Variants in DYM observed in about 807,000 individuals in gnomAD.
DYM encodes the protein dymeclin.
Under a neutral mutation model 93.1 loss-of-function variants are expected in DYM, and 78 were observed. The ratio of observed to expected loss-of-function variants is 0.84; its 90% CI spans 0.70 to 1.01. The LOEUF (loss-of-function observed/expected upper bound fraction) is 1.01. Among genes scored for constraint, DYM ranks in the 50% least tolerant of loss-of-function variants. The pLI, the probability that DYM is intolerant of heterozygous loss-of-function variation, is 0.00. For synonymous variants in DYM, 321 were observed against 319.7 expected, an observed-to-expected ratio of 1.00 and a Z score of -0.04; for missense variants, 789 against 845.0, an observed-to-expected ratio of 0.93 and a Z score of 0.82.
chr18:49,045,154 A>T (rs190207102), intron 17 of DYM, among the ~76,000 whole-genome samples: 11 of 152,046 alleles, frequency 7.2e-5, no homozygotes, highest in African/African-American at 2.7e-4. Context: ...TTGGGTGGGG[A>T]GAGAGGGGAC....
At chr18:49,208,266 TCTC>T (rs2092620892) in intron 14 of DYM, among the ~76,000 whole-genome samples, 1 of 151,896 alleles carries the variant, frequency 6.6e-6, no homozygotes, top group Non-Finnish European at 1.5e-5. Context: ...CAGCAGCAGT[TCTC>T]CTCATTCCTT....
At chr18:49,219,150 AT>A (rs2093225356) in intron 13 of DYM, among the ~76,000 whole-genome samples, 1 of 152,212 alleles carries the variant, frequency 6.6e-6, no homozygotes, top group Non-Finnish European at 1.5e-5. Flanking sequence ...AAACTAGAAA[AT>A]CTAGAAGAAA....
intron 14 of DYM, among the ~76,000 whole-genome samples, chr18:49,168,793 C>T (rs2088257058): frequency 6.6e-6 from 1 of 152,106 alleles, no homozygotes; most frequent in Non-Finnish European, 1.5e-5. Context: ...TAGGTGCATT[C>T]CACAGAGGAA....
rs1365002517 is a variant in DYM at position 49,041,052 on chromosome 18, T to C, written c.*3003A>G. On this transcript the variant is annotated 3_prime_UTR_variant, in exon 18 of 18. Transcript: ENST00000675505. ...AACTGTGTGTGCAGTGTACTTTCTA[T>C]GCTTCACCTTCAGGGACCTTCTCTT... Among the ~76,000 whole-genome samples, 2 of 152,338 alleles carry C rather than the reference T, an allele frequency of 1.3e-5. No individual in the cohort carries two copies. The highest frequency in any genetic ancestry group is 2.1e-4 in the South Asian group (1 of 4,826).
At chr18:49,446,470 A>G (rs1335728073) in intron 1 of DYM, among the ~76,000 whole-genome samples, 4 of 152,228 alleles carry the variant, frequency 2.6e-5, no homozygotes, top group African/African-American at 9.6e-5. Flanking sequence ...TTCATAATCA[A>G]TGATTCATAT....
At chr18:49,140,315 T>C (rs2084342143) in intron 15 of DYM, among the ~76,000 whole-genome samples, 1 of 152,178 alleles carries the variant, frequency 6.6e-6, no homozygotes, top group Non-Finnish European at 1.5e-5. Context: ...ATGACAAACA[T>C]TTGTAAAGCA....
chr18:49,223,654 A>G (rs1214310790), intron 13 of DYM, among the ~76,000 whole-genome samples: 1 of 152,134 alleles, frequency 6.6e-6, no homozygotes, highest in African/African-American at 2.4e-5. Context: ...ACAAAGTACT[A>G]CAGATGAAAC....
chr18:49,266,792 T>G (rs1425012553), intron 11 of DYM, among the ~76,000 whole-genome samples: 1 of 152,230 alleles, frequency 6.6e-6, no homozygotes, highest in Non-Finnish European at 1.5e-5. Context: ...TATTTTCAAA[T>G]TCTTAAAAAT....
At chr18:49,135,452 G>T (rs911286269) in intron 15 of DYM, among the ~76,000 whole-genome samples, 2 of 152,154 alleles carry the variant, frequency 1.3e-5, no homozygotes, top group African/African-American at 2.4e-5. Flanking sequence ...TCTGAACCTT[G>T]ATTTCATTAT....
intron 14 of DYM, among the ~76,000 whole-genome samples, chr18:49,184,193 T>C (rs534091273): frequency 3.3e-5 from 5 of 152,120 alleles, no homozygotes; most frequent in Admixed American, 1.3e-4. Flanking sequence ...GGGTCTCCAG[T>C]AGTAAAAACT....
chr18:49,300,344 A>C (rs1375868552), intron 8 of DYM, among the ~76,000 whole-genome samples: 1 of 152,096 alleles, frequency 6.6e-6, no homozygotes, highest in African/African-American at 2.4e-5. Context: ...TCACTCCTGT[A>C]ATCCTAGCAC....
At chr18:49,178,755 A>G (rs1043750845) in intron 14 of DYM, among the ~76,000 whole-genome samples, 1 of 152,154 alleles carries the variant, frequency 6.6e-6, no homozygotes, top group African/African-American at 2.4e-5. Context: ...GTCCTTTATT[A>G]TAACTACCGA....
intron 3 of DYM, among the ~76,000 whole-genome samples, chr18:49,381,991 A>G (rs1253026111): frequency 6.6e-6 from 1 of 152,182 alleles, no homozygotes; most frequent in Non-Finnish European, 1.5e-5. Context: ...TGTAAATCCA[A>G]ACAAAATGCT....
At chr18:49,356,944 T>C (rs2065622489) in intron 6 of DYM, among the ~76,000 whole-genome samples, 1 of 152,210 alleles carries the variant, frequency 6.6e-6, no homozygotes, top group South Asian at 2.1e-4. Flanking sequence ...TTCTTTTTTA[T>C]ATCTCAATAA....
At chr18:49,149,585 A>T (rs530102616) in intron 15 of DYM, among the ~76,000 whole-genome samples, 71 of 152,196 alleles carry the variant, frequency 4.7e-4, no homozygotes, top group African/African-American at 1.7e-3. Context: ...CAGAGGCTTC[A>T]TGAGAGCAGA....
rs1568119187 is a variant in DYM, at chr18:49,258,513, T to C, written c.1252-20A>G. On this transcript the variant is annotated intron_variant, in intron 11 of 17. Transcript: ENST00000675505. ...TAGTATCTGTAATGGGGAAGAAAAG[T>C]TTAAGTAAAAAATGATTGCTTTACA... 2.1e-6 allele frequency: 3 copies of C among 1,436,544 alleles called. No homozygotes were observed. The highest frequency in any genetic ancestry group is 9.8e-7 in the Non-Finnish European group (1 of 1,019,832). The allele number at this position is 1,436,544 out of a possible 1,614,324, so 89.0% of individuals were successfully genotyped here.
At chr18:49,272,446 C>A in intron 10 of DYM, 143 bp from the exon 11 acceptor site, 1 of 636,086 alleles carries the variant, frequency 1.6e-6, no homozygotes, top group East Asian at 2.8e-5. Flanking sequence ...AAACCCACTT[C>A]TGACTGAATG....
intron 15 of DYM, among the ~76,000 whole-genome samples, chr18:49,142,019 A>G (rs62102331): frequency 1.4e-5 from 2 of 148,116 alleles, no homozygotes; most frequent in African/African-American, 5.1e-5. Flanking sequence ...ACGCCCGGCT[A>G]ATTTTTTTTT....
chr18:49,055,882 G>A (rs1331671886), intron 17 of DYM, among the ~76,000 whole-genome samples: 1 of 152,224 alleles, frequency 6.6e-6, no homozygotes, highest in Non-Finnish European at 1.5e-5. Context: ...AGCGTTCCAG[G>A]AAATATCCTG....
Sources: gnomAD v4.1 joint callset for allele counts (sites outside exome capture counted in the v4.1 genomes callset) on GRCh38, gnomAD v4.1.1 for gene constraint, MANE v1.5 for transcripts, NCBI Gene and HGNC (gene_info 2026-07-23, HGNC 2026-07-21) for gene names.